The following MBD5 variants were observed in gnomAD, a reference collection of about 807,000 sequenced individuals.
MBD5 encodes the protein methyl-CpG binding domain protein 5.
MBD5 carries 13 observed loss-of-function variants against 117.3 expected under a neutral mutation model. The ratio of observed to expected loss-of-function variants is 0.11; its 90% CI spans 0.07 to 0.18. MBD5 has a LOEUF of 0.18. Ranked by LOEUF, MBD5 falls within the 10% of genes least tolerant of loss-of-function variation. The pLI is 1.00. For synonymous variants in MBD5, 727 were observed against 766.4 expected, an observed-to-expected ratio of 0.95 and a Z score of 0.85; for missense variants, 1,879 against 2,093.8, an observed-to-expected ratio of 0.90 and a Z score of 2.00.
chr2:148,227,369 G>A lies in MBD5; in HGVS notation c.-830-5876G>A, dbSNP rs867095677. The stretch of plus-strand genomic sequence containing the variant: ...TTCCCAGCATCATTTATTAAATAGG[G>A]AATCCTTTCCCCATTGCTTGTTTTT... On this transcript the variant is annotated intron_variant, in intron 2 of 13. Coordinates refer to ENST00000642680, the MANE Select transcript of MBD5 (RefSeq NM_001378120.1). Among the ~76,000 whole-genome samples the A allele has an allele frequency of 8.4e-4, 128 of 152,278 alleles. 1 individual carries two copies. Among genetic ancestry groups the A allele is most frequent in the Admixed American group, 7.2e-4 (11 of 15,298 alleles).
rs201765682 is a variant in MBD5 at position 148,495,314 on chromosome 2, CTCT to C, written c.4962+4722_4962+4724del. Among the ~76,000 whole-genome samples the C allele has an allele frequency of 3.6e-4, 55 of 152,230 alleles. 1 individual carries two copies. In the East Asian group the frequency reaches 0.011, roughly 29 times the overall value. The stretch of plus-strand genomic sequence containing the variant: ...TAACTATTTAAATTTAAAGAAAATG[CTCT>C]TGTTTTCTAAAATATATTTTATAAT... On this transcript the variant is annotated intron_variant, in intron 11 of 13. Coordinates refer to ENST00000642680, the MANE Select transcript of MBD5 (RefSeq NM_001378120.1).
intron 1 of MBD5, among the ~76,000 whole-genome samples, chr2:148,149,770 C>T (rs1269735757): frequency 1.3e-5 from 2 of 152,020 alleles, no homozygotes; most frequent in Non-Finnish European, 2.9e-5. Flanking sequence ...GTCCTTCACC[C>T]ACTTTTTGAT....
At chr2:148,197,291 C>G (rs1699012675) in intron 2 of MBD5, among the ~76,000 whole-genome samples, 1 of 152,200 alleles carries the variant, frequency 6.6e-6, no homozygotes, top group South Asian at 2.1e-4. Context: ...CAGACGATTT[C>G]AGTTCCCAGC....
rs187489403 is a variant in MBD5 at position 148,251,938 on chromosome 2, A to G, written c.-680+18543A>G. ...TAAATGAGTACATTTTAGAAGTTAC[A>G]TGAATAATCCAACTCAAAATGATTC... On this transcript the variant is annotated intron_variant, in intron 3 of 13. Transcript: ENST00000642680. Among the ~76,000 whole-genome samples, 4 of 152,302 alleles carry G rather than the reference A, an allele frequency of 2.6e-5. No individual in the cohort carries two copies. The East Asian group carries it at 5.8e-4, about 22-fold the overall frequency.
At chr2:148,176,100 G>C (rs11893036) in intron 1 of MBD5, among the ~76,000 whole-genome samples, 1,869 of 152,078 alleles carry the variant, frequency 0.012, 44 homozygotes, top group African/African-American at 0.043. Flanking sequence ...GATAAACTGT[G>C]GATTGATTTG....
intron 8 of MBD5, among the ~76,000 whole-genome samples, chr2:148,479,860 A>G (rs896730565): frequency 3.3e-5 from 5 of 151,884 alleles, no homozygotes; most frequent in Non-Finnish European, 7.4e-5. Context: ...TCCTTATTAT[A>G]CACCTGTTAT....
At chr2:148,429,389 A>G (rs1705911646) in intron 4 of MBD5, among the ~76,000 whole-genome samples, 1 of 151,954 alleles carries the variant, frequency 6.6e-6, no homozygotes, top group Non-Finnish European at 1.5e-5. Flanking sequence ...ACACTTTTAT[A>G]CTGTTGGTGG....
intron 2 of MBD5, among the ~76,000 whole-genome samples, chr2:148,199,980 G>A (rs1468038251): frequency 6.6e-6 from 1 of 152,120 alleles, no homozygotes; most frequent in African/African-American, 2.4e-5. Context: ...ATCTTAGGAA[G>A]CTGTACATTT....
chr2:148,110,782 T>G (rs1305925504), intron 1 of MBD5, among the ~76,000 whole-genome samples: 1 of 152,104 alleles, frequency 6.6e-6, no homozygotes, highest in African/African-American at 2.4e-5. Flanking sequence ...TTCTTTTTTT[T>G]CCTATGGTTG....
chr2:148,030,040 G>C (rs893617890), intron 1 of MBD5, among the ~76,000 whole-genome samples: 4 of 152,196 alleles, frequency 2.6e-5, no homozygotes, highest in African/African-American at 9.6e-5. Context: ...GGAGGCCAAG[G>C]TGGGTGGATT....
chr2:148,143,194 G>T (rs924034313), intron 1 of MBD5, among the ~76,000 whole-genome samples: 3 of 152,150 alleles, frequency 2.0e-5, no homozygotes, highest in African/African-American at 7.2e-5. Flanking sequence ...CGTACAGCAG[G>T]TCCTCAAATA....
chr2:148,196,210 A>C (rs909285827), intron 2 of MBD5: 6 of 152,184 alleles, frequency 3.9e-5, no homozygotes, highest in Admixed American at 3.9e-4. Flanking sequence ...TCCTCCAGGA[A>C]GTTCTTGAGA....
chr2:148,187,313 C>A (rs557055986), intron 2 of MBD5, among the ~76,000 whole-genome samples: 2 of 151,294 alleles, frequency 1.3e-5, no homozygotes, highest in South Asian at 2.1e-4. Context: ...CATACCCCCC[C>A]CAAAAAAAAA....
chr2:148,343,341 A>C (rs981915357), intron 4 of MBD5, among the ~76,000 whole-genome samples: 1 of 152,114 alleles, frequency 6.6e-6, no homozygotes, highest in Non-Finnish European at 1.5e-5. Flanking sequence ...TTCTTTAAGA[A>C]ATCTCCAAAC....
chr2:148,111,930 A>G (rs1186213484), intron 1 of MBD5, among the ~76,000 whole-genome samples: 2 of 152,192 alleles, frequency 1.3e-5, no homozygotes, highest in African/African-American at 4.8e-5. Flanking sequence ...AACAATTATA[A>G]CAATATGCTG....
In MBD5 at chr2:148,512,994, T is replaced by C; in HGVS notation, c.*53T>C. Reference sequence around the variant, plus strand: ...TTTATTAAAGGAACATGCACAGATGTATCTGTATATAGGTATTGATATAGC... The same window carrying C: ...TTTATTAAAGGAACATGCACAGATGCATCTGTATATAGGTATTGATATAGC... On this transcript the variant is annotated 3_prime_UTR_variant, in exon 14 of 14. Transcript: ENST00000642680. 3 of 1,447,748 alleles carry C rather than the reference T, an allele frequency of 2.1e-6. No individual in the cohort carries two copies. Among genetic ancestry groups the C allele is most frequent in the Non-Finnish European group, 2.9e-6 (3 of 1,028,862 alleles). 89.7% of individuals were successfully genotyped at this position (1,447,748 alleles called of 1,614,324 possible). A position where few individuals can be genotyped will look rare whatever the true frequency, so the allele number is the denominator to read the frequency against.
chr2:148,202,149 C>T (rs1163569997), intron 2 of MBD5, among the ~76,000 whole-genome samples: 1 of 152,102 alleles, frequency 6.6e-6, no homozygotes. Context: ...TCCTTGCCTG[C>T]ATGGAGCTTA....
chr2:148,331,980 A>G (rs983628551), intron 3 of MBD5, among the ~76,000 whole-genome samples: 1 of 152,174 alleles, frequency 6.6e-6, no homozygotes, highest in African/African-American at 2.4e-5. Flanking sequence ...AAATCTAGAA[A>G]TAAAAAATCT....
At chr2:148,067,265 T>C (rs937392839) in intron 1 of MBD5, among the ~76,000 whole-genome samples, 2 of 152,352 alleles carry the variant, frequency 1.3e-5, no homozygotes, top group African/African-American at 4.8e-5. Flanking sequence ...GATCTTTAAA[T>C]GTGTCTACAT....
Sources: allele counts gnomAD v4.1 joint callset (sites outside exome capture counted in the v4.1 genomes callset), GRCh38; gene constraint gnomAD v4.1.1; transcripts MANE v1.5; gene names NCBI Gene and HGNC (gene_info 2026-07-23, HGNC 2026-07-21).